NLRC5: variants seen among roughly 807,000 people sequenced by gnomAD.
The protein encoded by NLRC5 is NLR family CARD domain containing 5.
Under a neutral mutation model 206.9 loss-of-function variants are expected in NLRC5, and 114 were observed. That is an observed-to-expected ratio of 0.55 (90% confidence interval 0.47 to 0.64). NLRC5 has a LOEUF of 0.64. Among genes scored for constraint, NLRC5 ranks in the 30% least tolerant of loss-of-function variants. The pLI, the probability that NLRC5 is intolerant of heterozygous loss-of-function variation, is 0.00. For synonymous variants in NLRC5, 952 were observed against 962.8 expected, an observed-to-expected ratio of 0.99 and a Z score of 0.21; for missense variants, 2,008 against 2,305.5, an observed-to-expected ratio of 0.87 and a Z score of 2.64.
chr16:57,064,915 ACT>A (rs2066922442), intron 32 of NLRC5, among the ~76,000 whole-genome samples: 1 of 152,136 alleles, frequency 6.6e-6, no homozygotes, highest in Admixed American at 6.5e-5. Flanking sequence ...CAAGAGCAAA[ACT>A]CTGTCTCAAA....
intron 2 of NLRC5, among the ~76,000 whole-genome samples, chr16:57,018,733 A>G (rs1430224523): frequency 3.9e-5 from 6 of 152,190 alleles, no homozygotes; most frequent in East Asian, 1.9e-4. Flanking sequence ...AATAAGGTAT[A>G]TAAAGCACTT....
intron 1 of NLRC5, among the ~76,000 whole-genome samples, chr16:57,003,576 TG>T (rs1299245546): frequency 1.3e-5 from 2 of 152,138 alleles, no homozygotes; most frequent in African/African-American, 4.8e-5. Flanking sequence ...CAGAGATGCC[TG>T]GGCAGTCATG....
At chr16:57,054,362 T>G (rs956785121) in intron 24 of NLRC5, among the ~76,000 whole-genome samples, 3 of 152,192 alleles carry the variant, frequency 2.0e-5, no homozygotes, top group Non-Finnish European at 4.4e-5. Flanking sequence ...GAGCAAGGAC[T>G]CGCCTGTGAA....
Position 57,040,795 on chromosome 16 carries a change from G to C in NLRC5, c.2939+77G>C. Reference sequence around the variant, plus strand: ...CTGCTCAGAGCCTGCTCCCAAACCTGTGCCCAGGCCCCACATGCTCCCTGA... The same window carrying C: ...CTGCTCAGAGCCTGCTCCCAAACCTCTGCCCAGGCCCCACATGCTCCCTGA... On this transcript the variant is annotated intron_variant, in intron 17 of 48. Coordinates refer to ENST00000688547, the MANE Select transcript of NLRC5 (RefSeq NM_001384950.1). 3 of 1,425,998 alleles carry C rather than the reference G, an allele frequency of 2.1e-6. No homozygotes were observed. In the South Asian group the frequency reaches 3.5e-5, roughly 17 times the overall value. 88.3% of individuals were successfully genotyped at this position (1,425,998 alleles called of 1,614,324 possible).
intron 46 of NLRC5, 49 bp from the exon 47 acceptor site, chr16:57,081,048 CT>C: frequency 6.6e-7 from 1 of 1,512,614 alleles, no homozygotes. Context: ...GTCTCCACCC[CT>C]CGACCTCCTT....
Position 57,023,811 on chromosome 16 carries a change from G to T in NLRC5, c.382G>T (p.Gly128Trp). ...HGLKRPHQSC[G>W]SSPRRKQCKK... Reference sequence around the variant, plus strand: ...CCTGAAGCGCCCACATCAGAGCTGTGGGTCCTCACCCCGCCGGAAGCAGTG... The same window carrying T: ...CCTGAAGCGCCCACATCAGAGCTGTTGGTCCTCACCCCGCCGGAAGCAGTG... Residue 128 changes from glycine to tryptophan, a missense_variant, in exon 5 of 49, where the codon GGG becomes TGG. Transcript: ENST00000688547. 1 of 1,612,270 alleles carries T rather than the reference G, an allele frequency of 6.2e-7. No individual in the cohort carries two copies. Among genetic ancestry groups the T allele is most frequent in the Non-Finnish European group, 8.5e-7 (1 of 1,179,110 alleles).
At chr16:57,033,534 A>G (rs2062119909) in intron 11 of NLRC5, 70 bp from the exon 12 acceptor site, 1 of 1,497,852 alleles carries the variant, frequency 6.7e-7, no homozygotes, top group East Asian at 2.3e-5. Flanking sequence ...CTAGAAGCCA[A>G]GGAAAGAGGC....
intron 16 of NLRC5, 24 bp from the exon 17 acceptor site, chr16:57,040,626 C>G: frequency 6.2e-7 from 1 of 1,612,696 alleles, no homozygotes; most frequent in Non-Finnish European, 8.5e-7. Context: ...TTTGCTCAGC[C>G]TGGCCTTGGT....
At chr16:57,045,398 G>T (rs1469778095) in intron 20 of NLRC5, 50 bp from the exon 21 acceptor site, 4 of 1,607,340 alleles carry the variant, frequency 2.5e-6, no homozygotes, top group Non-Finnish European at 3.4e-6. Flanking sequence ...CACTGCCAGG[G>T]AAGTTGGTCT....
intron 1 of NLRC5, among the ~76,000 whole-genome samples, chr16:57,007,652 T>C (rs867913111): frequency 4.5e-4 from 68 of 152,220 alleles, no homozygotes; most frequent in African/African-American, 1.5e-3. Context: ...TTGCTTGAAC[T>C]GGGGAGGTGG....
In NLRC5 at chr16:57,077,782, C is replaced by T; in HGVS notation, c.4983C>T (p.Cys1661=). ...AGTTGGCAGAGTCTCTCGTTCTTTGCAGGCGCCTGGAGGAGTTGATGTGAG... is the reference window on the plus strand; with the variant it reads ...AGTTGGCAGAGTCTCTCGTTCTTTGTAGGCGCCTGGAGGAGTTGATGTGAG... ...GVQLAESLVL[C]RRLEELMLGC... is the part of the protein sequence containing the mutation. The change falls in exon 42 of 49, where the codon TGC becomes TGT. Residue 1661 remains cysteine (C), a synonymous_variant. Coordinates refer to ENST00000688547, the MANE Select transcript of NLRC5 (RefSeq NM_001384950.1). 6.2e-7 allele frequency: 1 copy of T among 1,604,564 alleles called. No homozygotes were observed. The highest frequency in any genetic ancestry group is 1.3e-5 in the African/African-American group (1 of 74,850).
chr16:57,010,928 TA>T (rs2059420659), intron 1 of NLRC5, among the ~76,000 whole-genome samples: 1 of 152,018 alleles, frequency 6.6e-6, no homozygotes, highest in Admixed American at 6.6e-5. Context: ...ATGTGCACAT[TA>T]AAAAGTTTGA....
At chr16:57,046,465 A>G in intron 21 of NLRC5, 87 bp from the exon 22 acceptor site, 1 of 1,092,038 alleles carries the variant, frequency 9.2e-7, no homozygotes, top group Admixed American at 2.1e-5. Flanking sequence ...TCCTTTCTAA[A>G]CGATCCCCCT....
At position 57,077,995 on chromosome 16, in the gene NLRC5, C is replaced by A. The variant is rs188521531; in HGVS notation, c.5056C>A (p.Leu1686Met). The A allele has an allele frequency of 3.1e-6, 5 of 1,610,436 alleles. No individual in the cohort carries two copies. The highest frequency in any genetic ancestry group is 4.2e-6 in the Non-Finnish European group (5 of 1,177,914). The change falls in exon 43 of 49, where the codon CTG becomes ATG. Residue 1686 changes from leucine (L) to methionine (M), a missense_variant. Coordinates refer to ENST00000688547, the MANE Select transcript of NLRC5 (RefSeq NM_001384950.1). ...DPTALGLAQE[L>M]PQHLRVLHLP... ...CACAGCCCTGGGGCTGGCTCAGGAGCTGCCCCAGCACCTGAGGGTCCTACA... is the reference window on the plus strand; with the variant it reads ...CACAGCCCTGGGGCTGGCTCAGGAGATGCCCCAGCACCTGAGGGTCCTACA...
chr16:57,077,901 G>T, intron 42 of NLRC5, 42 bp from the exon 43 acceptor site: 1 of 1,610,006 alleles, frequency 6.2e-7, no homozygotes, highest in Non-Finnish European at 8.5e-7. Flanking sequence ...GGTCCCGAGT[G>T]GGCAGGCCCA....
intron 1 of NLRC5, among the ~76,000 whole-genome samples, chr16:57,004,321 C>T (rs928383225): frequency 2.0e-5 from 3 of 152,170 alleles, no homozygotes; most frequent in South Asian, 4.1e-4. Flanking sequence ...CACAATGTTG[C>T]CCAGGCTCGT....
chr16:57,005,827 G>A lies in NLRC5; in HGVS notation c.-127-11247G>A, dbSNP rs139151339. On this transcript the variant is annotated intron_variant, in intron 1 of 48. Coordinates refer to ENST00000688547, the MANE Select transcript of NLRC5 (RefSeq NM_001384950.1). ...CCCAGCTACTCAGGAAGCTGAGGTC[G>A]GGGAATCATATAAGCCCAGGAGGTG... Among the ~76,000 whole-genome samples, 1,306 of 151,950 alleles carry A rather than the reference G, an allele frequency of 8.6e-3. 13 individuals carry two copies. Among genetic ancestry groups the A allele is most frequent in the Middle Eastern group, 0.027 (8 of 292 alleles).
chr16:57,049,386 C>T (rs1189148330), intron 23 of NLRC5, among the ~76,000 whole-genome samples: 1 of 152,210 alleles, frequency 6.6e-6, no homozygotes, highest in Non-Finnish European at 1.5e-5. Context: ...CACAAGGAGA[C>T]TGGGATGCGG....
Position 57,079,218 on chromosome 16 carries a change from C to A in NLRC5, c.5166-3C>A. ...TCTCACAGGTATCTCCCCTACCCTG[C>A]AGCTTGGCGGAAAACAACCTGGCTG... On this transcript the variant is annotated splice_region_variant and splice_polypyrimidine_tract_variant and intron_variant, in intron 44 of 48. Transcript: ENST00000688547. The A allele has an allele frequency of 1.2e-6, 2 of 1,614,020 alleles. No homozygotes were observed. Among genetic ancestry groups the A allele is most frequent in the South Asian group, 1.1e-5 (1 of 91,086 alleles).
Sources: gnomAD v4.1 joint callset for allele counts (sites outside exome capture counted in the v4.1 genomes callset) on GRCh38, gnomAD v4.1.1 for gene constraint, MANE v1.5 for transcripts, NCBI Gene and HGNC (gene_info 2026-07-23, HGNC 2026-07-21) for gene names.